RBM47: variants seen among roughly 807,000 people sequenced by gnomAD.
RBM47 encodes the protein RNA-binding protein 47.
Under a neutral mutation model 47.1 loss-of-function variants are expected in RBM47, and 21 were observed. That is an observed-to-expected ratio of 0.45 (90% CI 0.32 to 0.64). The LOEUF is 0.64. RBM47 is among the 30% of genes least tolerant of loss of function. The pLI, the probability that RBM47 is intolerant of heterozygous loss-of-function variation, is 0.05. For missense variants in RBM47, 708 were observed against 870.9 expected (o/e 0.81, Z 2.35); for synonymous variants, 375 against 361.7 (o/e 1.04, Z -0.42).
intron 1 of RBM47, among the ~76,000 whole-genome samples, chr4:40,551,928 G>T (rs1367307898): frequency 6.6e-6 from 1 of 151,996 alleles, no homozygotes; most frequent in Non-Finnish European, 1.5e-5. Context: ...GGAATTACAG[G>T]TATGAGTCAC....
chr4:40,474,177 C>T (rs957130060), intron 2 of RBM47, among the ~76,000 whole-genome samples: 17 of 152,186 alleles, frequency 1.1e-4, no homozygotes, highest in Admixed American at 3.9e-4. Context: ...TCTGTCATAT[C>T]GGCAGAATTG....
intron 2 of RBM47, among the ~76,000 whole-genome samples, chr4:40,537,856 G>A (rs1402024739): frequency 6.8e-6 from 1 of 147,380 alleles, no homozygotes; most frequent in Non-Finnish European, 1.5e-5. Context: ...TTTTTTAGAT[G>A]CGATGTCACT....
intron 2 of RBM47, among the ~76,000 whole-genome samples, chr4:40,470,801 G>C (rs1159553249): frequency 6.6e-6 from 1 of 152,114 alleles, no homozygotes; most frequent in African/African-American, 2.4e-5. Context: ...GGAGTGCAGT[G>C]GCGTGATCTT....
intron 1 of RBM47, among the ~76,000 whole-genome samples, chr4:40,547,137 G>A (rs1397347642): frequency 6.6e-6 from 1 of 152,230 alleles, no homozygotes; most frequent in South Asian, 2.1e-4. Flanking sequence ...TATAAAACAG[G>A]AATCAGATGC....
chr4:40,431,641 G>A (rs1229802553), intron 6 of RBM47, among the ~76,000 whole-genome samples: 1 of 133,508 alleles, frequency 7.5e-6, no homozygotes, highest in African/African-American at 2.9e-5. Flanking sequence ...CTGGGCGACA[G>A]AGCGAGACTC....
At chr4:40,486,947 T>C (rs897393982) in intron 2 of RBM47, among the ~76,000 whole-genome samples, 2 of 152,254 alleles carry the variant, frequency 1.3e-5, no homozygotes, top group Admixed American at 6.5e-5. Context: ...CTGTTTTCTA[T>C]AGTTGTTGTC....
rs900282940 is a variant in RBM47 at position 40,606,872 on chromosome 4, C to T, written c.-240+22524G>A. 2.0e-5 allele frequency among the ~76,000 whole-genome samples: 3 copies of T among 151,982 alleles called. No homozygotes were observed. In the East Asian group the frequency reaches 5.8e-4, roughly 29 times the overall value. On this transcript the variant is annotated intron_variant, in intron 1 of 6. Transcript: ENST00000295971. ...CAAAAACAAAAATAAGTTAGCCAGG[C>T]GTGGAGAGGCTGAGGTGGGAGGATC...
chr4:40,515,140 G>C (rs1725418531), intron 2 of RBM47, among the ~76,000 whole-genome samples: 1 of 152,144 alleles, frequency 6.6e-6, no homozygotes, highest in African/African-American at 2.4e-5. Context: ...CTCCAAACCA[G>C]AAGTTTTGCA....
chr4:40,579,954 C>T (rs1340132456), intron 1 of RBM47, among the ~76,000 whole-genome samples: 1 of 151,906 alleles, frequency 6.6e-6, no homozygotes, highest in Non-Finnish European at 1.5e-5. Context: ...GACAGGGTCT[C>T]GCCTTGTTGC....
At chr4:40,431,099 A>G (rs1453003310) in intron 6 of RBM47, among the ~76,000 whole-genome samples, 1 of 152,044 alleles carries the variant, frequency 6.6e-6, no homozygotes, top group Non-Finnish European at 1.5e-5. Flanking sequence ...AATCAAAAAA[A>G]GTGGCCTGGA....
intron 3 of RBM47, among the ~76,000 whole-genome samples, chr4:40,444,894 AC>A (rs1353601234): frequency 6.6e-6 from 1 of 151,188 alleles, no homozygotes; most frequent in Non-Finnish European, 1.5e-5. Flanking sequence ...CGAACTCCTG[AC>A]CTCAAGTGAT....
At chr4:40,446,551 A>G (rs1714549753) in intron 3 of RBM47, among the ~76,000 whole-genome samples, 1 of 152,048 alleles carries the variant, frequency 6.6e-6, no homozygotes, top group South Asian at 2.1e-4. Context: ...TAGCCTGGGC[A>G]ACATAGTGAG....
At chr4:40,556,784 G>C (rs1270253300) in intron 1 of RBM47, among the ~76,000 whole-genome samples, 2 of 152,140 alleles carry the variant, frequency 1.3e-5, no homozygotes, top group Admixed American at 1.3e-4. Context: ...CAGCTACTTG[G>C]GAGACTGAGG....
chr4:40,518,483 T>C (rs1725857506), intron 2 of RBM47, among the ~76,000 whole-genome samples: 2 of 152,206 alleles, frequency 1.3e-5, no homozygotes, highest in South Asian at 4.2e-4. Flanking sequence ...GCTGCAAACA[T>C]TGCATCTCAA....
chr4:40,593,844 A>T (rs1038190598), intron 1 of RBM47, among the ~76,000 whole-genome samples: 2 of 150,148 alleles, frequency 1.3e-5, no homozygotes, highest in Non-Finnish European at 3.0e-5. Context: ...AGATCGCGCC[A>T]CTACACTCCA....
chr4:40,593,847 A>G (rs866766298), intron 1 of RBM47, among the ~76,000 whole-genome samples: 12 of 149,096 alleles, frequency 8.0e-5, no homozygotes, highest in African/African-American at 2.0e-4. Context: ...TCGCGCCACT[A>G]CACTCCAGCC....
intron 2 of RBM47, among the ~76,000 whole-genome samples, chr4:40,521,757 T>C (rs1470443623): frequency 6.6e-6 from 1 of 152,182 alleles, no homozygotes; most frequent in Non-Finnish European, 1.5e-5. Flanking sequence ...ACAGTATTGA[T>C]TTCCAATGAT....
intron 2 of RBM47, among the ~76,000 whole-genome samples, chr4:40,480,904 A>G (rs1214199074): frequency 6.6e-6 from 1 of 152,134 alleles, no homozygotes; most frequent in Non-Finnish European, 1.5e-5. Context: ...ACCTATTACC[A>G]AGTCACATAT....
In RBM47 at chr4:40,470,579, C is replaced by G. The variant is rs567130174; in HGVS notation, c.-154-3880G>C. On this transcript the variant is annotated intron_variant, in intron 2 of 6. Coordinates refer to ENST00000295971, the MANE Select transcript of RBM47 (RefSeq NM_001098634.2). The stretch of plus-strand genomic sequence containing the variant: ...AATGAAGCATAGCATACATAAAACA[C>G]TTGAAATTAATACATTTATTTTTCG... 1.5e-4 allele frequency among the ~76,000 whole-genome samples: 23 copies of G among 152,258 alleles called. No homozygotes were observed. The East Asian group carries it at 4.4e-3, about 29-fold the overall frequency.
Sources: gnomAD v4.1 joint callset for allele counts (sites outside exome capture counted in the v4.1 genomes callset) on GRCh38, gnomAD v4.1.1 for gene constraint, MANE v1.5 for transcripts, NCBI Gene and HGNC (gene_info 2026-07-23, HGNC 2026-07-21) for gene names.